Variants in COL15A1 observed in about 807,000 individuals in gnomAD.
COL15A1 encodes the protein collagen alpha-1(XV) chain.
COL15A1 carries 111 observed loss-of-function variants against 165.9 expected under a neutral mutation model. The ratio of observed to expected loss-of-function variants is 0.67; its 90% CI spans 0.57 to 0.78. The LOEUF (loss-of-function observed/expected upper bound fraction) is 0.78. Among genes scored for constraint, COL15A1 ranks in the 30% least tolerant of loss-of-function variants. COL15A1 has a pLI of 0.00. For missense variants in COL15A1, 1,745 were observed against 1,789.7 expected (o/e 0.98, Z 0.45); for synonymous variants, 659 against 674.8 (o/e 0.98, Z 0.36).
chr9:98,973,366 T>C (rs966010472), intron 2 of COL15A1, among the ~76,000 whole-genome samples: 13 of 152,228 alleles, frequency 8.5e-5, no homozygotes, highest in African/African-American at 1.9e-4. Flanking sequence ...TAAGTTTACA[T>C]GTAGAAAAAT....
Position 99,055,640 on chromosome 9 carries a change from T to G in COL15A1, c.3192+268T>G, listed in dbSNP as rs2117922162. Among the ~76,000 whole-genome samples, 2 of 152,312 alleles carry G rather than the reference T, an allele frequency of 1.3e-5. 1 individual carries two copies. The highest frequency in any genetic ancestry group is 2.9e-5 in the Non-Finnish European group (2 of 68,024). On this transcript the variant is annotated intron_variant, in intron 34 of 41. Coordinates refer to ENST00000375001, the MANE Select transcript of COL15A1 (RefSeq NM_001855.5). ...CTTATTCATGACATTGGTGGAAAAT[T>G]CACTCCACACAAAGAATGATTAATG...
chr9:99,035,388 A>C lies in COL15A1; in HGVS notation c.2259A>C (p.Glu753Asp). The change falls in exon 19 of 42, where the codon GAA becomes GAC. Residue 753 changes from glutamate (E) to aspartate (D), a missense_variant. Glu to Asp is a conservative substitution (Grantham distance 45, BLOSUM62 2). Coordinates refer to ENST00000375001, the MANE Select transcript of COL15A1 (RefSeq NM_001855.5). ...CTGGAAGCACCCAGCTATTGAATGA[A>C]CCCAAACTCTCCAGACCAACGGCTG... ...EGSGSTQLLN[E>D]PKLSRPTAAI... 1 of 1,614,186 alleles carries C rather than the reference A, an allele frequency of 6.2e-7. No homozygotes were observed. Among genetic ancestry groups the C allele is most frequent in the Non-Finnish European group, 8.5e-7 (1 of 1,180,030 alleles).
chr9:99,033,630 G>A (rs113651278), intron 16 of COL15A1, among the ~76,000 whole-genome samples: 3 of 152,256 alleles, frequency 2.0e-5, no homozygotes, highest in South Asian at 4.1e-4. Flanking sequence ...TTTTGAGCAC[G>A]GCTATTTTAG....
intron 23 of COL15A1, 68 bp downstream of exon 23, chr9:99,040,624 G>T: frequency 6.2e-7 from 1 of 1,613,760 alleles, no homozygotes; most frequent in Non-Finnish European, 8.5e-7. Flanking sequence ...CTTCCACCTA[G>T]AATGGCATTT....
At chr9:99,025,703 G>A (rs559116412) in intron 15 of COL15A1, among the ~76,000 whole-genome samples, 22 of 152,194 alleles carry the variant, frequency 1.4e-4, no homozygotes, top group Non-Finnish European at 2.4e-4. Flanking sequence ...AATCCAGAGA[G>A]TGAAGGACAG....
At position 99,051,979 on chromosome 9, in the gene COL15A1, G is replaced by A. The variant is rs116519603; in HGVS notation, c.2905-409G>A. ...CAATAGCTAAGCTAATGGCTGACCCGGTTTCACGGTTGGGCATGTCACTTG... is the reference window on the plus strand; with the variant it reads ...CAATAGCTAAGCTAATGGCTGACCCAGTTTCACGGTTGGGCATGTCACTTG... On this transcript the variant is annotated intron_variant, in intron 30 of 41. Transcript: ENST00000375001. Among the ~76,000 whole-genome samples, 1,117 of 152,258 alleles carry A rather than the reference G, an allele frequency of 7.3e-3. 12 individuals carry two copies. The highest frequency in any genetic ancestry group is 0.026 in the African/African-American group (1,069 of 41,524).
chr9:99,066,768 C>G, intron 39 of COL15A1, 114 bp from the exon 40 acceptor site: 1 of 903,802 alleles, frequency 1.1e-6, no homozygotes, highest in Non-Finnish European at 1.7e-6. Context: ...AAAATGACCT[C>G]CAACGTGCCT....
At chr9:98,987,422 T>TG in intron 4 of COL15A1, 54 bp downstream of exon 4, 10 of 1,510,456 alleles carry the variant, frequency 6.6e-6, no homozygotes, top group African/African-American at 4.2e-5. Context: ...AGCCGCAGCC[T>TG]GGGGAGGGCT....
intron 2 of COL15A1, among the ~76,000 whole-genome samples, chr9:98,960,043 T>C (rs987663013): frequency 1.3e-5 from 2 of 152,218 alleles, no homozygotes; most frequent in Non-Finnish European, 2.9e-5. Context: ...CATTTTCACC[T>C]TGATAGACTT....
At chr9:99,004,863 G>A in intron 8 of COL15A1, 35 bp from the exon 9 acceptor site, 2 of 1,613,498 alleles carry the variant, frequency 1.2e-6, no homozygotes, top group Non-Finnish European at 1.7e-6. Flanking sequence ...AGCATCATGG[G>A]GCACTGACGC....
chr9:98,989,689 G>A (rs1838382731), intron 5 of COL15A1, among the ~76,000 whole-genome samples: 1 of 152,238 alleles, frequency 6.6e-6, no homozygotes, highest in Non-Finnish European at 1.5e-5. Context: ...CATCTGGCAT[G>A]AGGGAAATGG....
Position 99,054,573 on chromosome 9 carries a change from C to T in COL15A1, c.2951-3C>T, listed in dbSNP as rs777331530. ...TTTTTAACATGTATGTGTTTGGTGG[C>T]AGGTGTTAAAGGAGAGAAAGGATCC... On this transcript the variant is annotated splice_polypyrimidine_tract_variant and splice_region_variant and intron_variant, in intron 31 of 41. Transcript: ENST00000375001. The T allele has an allele frequency of 1.9e-6, 3 of 1,601,300 alleles. No individual in the cohort carries two copies. The highest frequency in any genetic ancestry group is 2.3e-5 in the South Asian group (2 of 88,668).
chr9:99,034,561 C>T lies in COL15A1; in HGVS notation c.2056C>T (p.Pro686Ser). 2 of 1,481,342 alleles carry T rather than the reference C, an allele frequency of 1.4e-6. No individual in the cohort carries two copies. The highest frequency in any genetic ancestry group is 9.0e-7 in the Non-Finnish European group (1 of 1,115,268). The allele number at this position is 1,481,342 out of a possible 1,614,324, so 91.8% of individuals were successfully genotyped here. A position where few individuals can be genotyped will look rare whatever the true frequency, so the allele number is the denominator to read the frequency against. ...GMKGEKGARG[P>S]NGSVGEKGDP... The stretch of plus-strand genomic sequence containing the variant: ...TTGTTTTTTTCAGGGAGCAAGAGGG[C>T]CTAATGGCTCAGTTGGTGAAAAGGT... Residue 686 changes from proline (P) to serine (S), a missense_variant, in exon 17 of 42, where the codon CCT becomes TCT. Transcript: ENST00000375001.
rs1554681882 is a variant in COL15A1, at chr9:98,944,035, C to A, written c.-27C>A. 3.1e-6 allele frequency: 5 copies of A among 1,613,774 alleles called. No homozygotes were observed. Among genetic ancestry groups the A allele is most frequent in the Non-Finnish European group, 4.2e-6 (5 of 1,179,754 alleles). ...AACGCTCTGCTCGACTAGCCGCGCG[C>A]CTTCCGGGGCTCCGCAGACCCGCGA... On this transcript the variant is annotated 5_prime_UTR_variant, in exon 1 of 42. Transcript: ENST00000375001.
At chr9:98,947,827 T>C (rs1173094129) in intron 2 of COL15A1, among the ~76,000 whole-genome samples, 1 of 152,154 alleles carries the variant, frequency 6.6e-6, no homozygotes, top group Non-Finnish European at 1.5e-5. Flanking sequence ...TGCAGGTAGT[T>C]GATCTGTTAA....
rs147463312 is a variant in COL15A1, at chr9:99,023,376, G to T, written c.1781G>T (p.Gly594Val). The change falls in exon 14 of 42, where the codon GGC (glycine) becomes GTC (valine). Residue 594 changes from glycine to valine, a missense_variant. By Grantham distance (109) the Gly-to-Val change is moderately radical (BLOSUM62 -3). Coordinates refer to ENST00000375001, the MANE Select transcript of COL15A1 (RefSeq NM_001855.5). ...TTCCAGGCAGGAGCAGAAGCAGAGG[G>T]CTCTGGCCTAGGCTGGGGCTCGGAC... ...VGPTAGAEAE[G>V]SGLGWGSDVG... is the part of the protein sequence containing the mutation. 31 of 1,611,174 alleles carry T rather than the reference G, an allele frequency of 1.9e-5. No individual in the cohort carries two copies. In the African/African-American group the frequency reaches 4.1e-4, roughly 22 times the overall value.
intron 2 of COL15A1, among the ~76,000 whole-genome samples, chr9:98,967,546 C>G (rs942781403): frequency 6.6e-6 from 1 of 152,246 alleles, no homozygotes; most frequent in African/African-American, 2.4e-5. Context: ...TGTTTTCCAT[C>G]AGTGGGATCT....
chr9:99,020,590 T>A (rs1839010131), intron 12 of COL15A1, 148 bp downstream of exon 12: 1 of 630,672 alleles, frequency 1.6e-6, no homozygotes, highest in Admixed American at 2.7e-5. Flanking sequence ...CTTGTAGGTC[T>A]GGGAGAATCA....
In COL15A1 at chr9:99,062,250, AG is replaced by A; in HGVS notation, c.3538del (p.Glu1180AsnfsTer2). ...RDGWKKLQLGELIPIPADSPP... is the reference protein window; with the variant it reads ...RDGWKKLQLGXLIPIPADSPP... ...ATGTACTGTTTTTCTTAAAGCTGGG[AG>A]AACTGATCCCCATTCCTGCCGACAG... is the stretch of plus-strand genomic sequence containing the variant. On this transcript the variant is annotated frameshift_variant, in exon 38 of 42. Coordinates refer to ENST00000375001, the MANE Select transcript of COL15A1 (RefSeq NM_001855.5). LOFTEE classifies it high-confidence loss of function. The A allele has an allele frequency of 6.2e-7, 1 of 1,613,566 alleles. No individual in the cohort carries two copies. Among genetic ancestry groups the A allele is most frequent in the Non-Finnish European group, 8.5e-7 (1 of 1,179,524 alleles).
Sources: gnomAD v4.1 joint callset for allele counts (sites outside exome capture counted in the v4.1 genomes callset) on GRCh38, gnomAD v4.1.1 for gene constraint, MANE v1.5 for transcripts, NCBI Gene and HGNC (gene_info 2026-07-23, HGNC 2026-07-21) for gene names.